Variants in EYA4 observed in about 807,000 individuals in gnomAD.
The protein encoded by EYA4 is protein phosphatase EYA4.
Under a neutral mutation model 87.9 loss-of-function variants are expected in EYA4, and 31 were observed. That is an observed-to-expected ratio of 0.35 (90% CI 0.27 to 0.48). EYA4 has a LOEUF of 0.48. Ranked by LOEUF, EYA4 falls within the 20% of genes least tolerant of loss-of-function variation. The probability of loss-of-function intolerance (pLI) is 0.99; values close to 1 mark genes in which losing one functional copy is unlikely to be tolerated. For missense variants in EYA4, 678 were observed against 761.4 expected (o/e 0.89, Z 1.29); for synonymous variants, 263 against 270.6 (o/e 0.97, Z 0.28).
At chr6:133,354,654 A>G (rs1783881759) in intron 2 of EYA4, among the ~76,000 whole-genome samples, 1 of 152,188 alleles carries the variant, frequency 6.6e-6, no homozygotes, top group Non-Finnish European at 1.5e-5. Flanking sequence ...CTTTTTCTGT[A>G]AAACCTTTTA....
intron 3 of EYA4, among the ~76,000 whole-genome samples, chr6:133,393,314 A>G (rs1199053864): frequency 6.6e-6 from 1 of 152,182 alleles, no homozygotes; most frequent in Non-Finnish European, 1.5e-5. Flanking sequence ...TTTATTGAGC[A>G]TCTACTATGG....
chr6:133,378,647 A>G (rs1365060399), intron 2 of EYA4, among the ~76,000 whole-genome samples: 1 of 152,108 alleles, frequency 6.6e-6, no homozygotes, highest in African/African-American at 2.4e-5. Flanking sequence ...AGAAAATTGT[A>G]TATATCTAAG....
intron 1 of EYA4, among the ~76,000 whole-genome samples, chr6:133,267,678 TG>T (rs1054902357): frequency 2.6e-5 from 4 of 152,184 alleles, no homozygotes; most frequent in Admixed American, 1.3e-4. Context: ...CCACCACGCC[TG>T]GCCCCTCATC....
intron 13 of EYA4, among the ~76,000 whole-genome samples, chr6:133,504,914 C>G (rs1415286214): frequency 6.6e-6 from 1 of 152,202 alleles, no homozygotes; most frequent in Non-Finnish European, 1.5e-5. Flanking sequence ...TTTCGGCTCT[C>G]TCTTCTCAAA....
intron 6 of EYA4, among the ~76,000 whole-genome samples, chr6:133,459,380 T>C: frequency 6.6e-6 from 1 of 152,106 alleles, no homozygotes; most frequent in Non-Finnish European, 1.5e-5. Flanking sequence ...TTCTGAAATG[T>C]GTAATTTTGG....
At chr6:133,381,082 T>C (rs1305432174) in intron 2 of EYA4, among the ~76,000 whole-genome samples, 1 of 146,190 alleles carries the variant, frequency 6.8e-6, no homozygotes, top group African/African-American at 2.5e-5. Flanking sequence ...TTTCTTTTTT[T>C]TTTTTTTTTT....
intron 13 of EYA4, among the ~76,000 whole-genome samples, chr6:133,485,138 C>T (rs1489507937): frequency 1.3e-5 from 2 of 152,196 alleles, no homozygotes; most frequent in Non-Finnish European, 2.9e-5. Context: ...CTCAGCACTG[C>T]TGCGTCATGG....
chr6:133,480,647 C>CATTG (rs1365801028), intron 11 of EYA4, among the ~76,000 whole-genome samples: 2 of 152,088 alleles, frequency 1.3e-5, no homozygotes, highest in African/African-American at 4.8e-5. Flanking sequence ...TCAATTAACA[C>CATTG]ATTGATTACA....
In EYA4 at chr6:133,461,191, A is replaced by G; in HGVS notation, c.437+11A>G. The G allele has an allele frequency of 6.2e-7, 1 of 1,602,516 alleles. No individual in the cohort carries two copies. Among genetic ancestry groups the G allele is most frequent in the Non-Finnish European group, 8.6e-7 (1 of 1,169,536 alleles). On this transcript the variant is annotated intron_variant, in intron 7 of 19. Transcript: ENST00000355286. ...GCTGTATCCTTCCAAGTAAGTGGTC[A>G]GTAGATTCTTGCTTTAAATTGGCAA...
At chr6:133,515,611 G>T (rs1384504850) in intron 17 of EYA4, among the ~76,000 whole-genome samples, 176 bp downstream of exon 17, 1 of 123,072 alleles carries the variant, frequency 8.1e-6, no homozygotes, top group African/African-American at 3.8e-5. Context: ...GAGAGAGAGA[G>T]TGTGTGTGTG....
At chr6:133,504,891 G>A (rs1377999448) in intron 13 of EYA4, among the ~76,000 whole-genome samples, 2 of 152,154 alleles carry the variant, frequency 1.3e-5, no homozygotes, top group Non-Finnish European at 2.9e-5. Context: ...CTATTAGAAC[G>A]TTGAAAACAC....
rs183545760 is a variant in EYA4 at position 133,295,318 on chromosome 6, C to T, written c.33+20505C>T. On this transcript the variant is annotated intron_variant, in intron 2 of 19. Transcript: ENST00000355286. ...ACTCTAAGCTGACCTAGAAAAACTA[C>T]ATTTGAAGCTGTATTCAAAGAATTT... is the stretch of plus-strand genomic sequence containing the variant. Among the ~76,000 whole-genome samples the T allele has an allele frequency of 5.9e-5, 9 of 152,308 alleles. No homozygotes were observed. The East Asian group carries it at 1.7e-3, about 29-fold the overall frequency.
At chr6:133,507,543 A>G (rs909439853) in intron 14 of EYA4, among the ~76,000 whole-genome samples, 5 of 152,044 alleles carry the variant, frequency 3.3e-5, no homozygotes, top group African/African-American at 1.2e-4. Context: ...ACCCCATCAC[A>G]GGCCCCAGTG....
At chr6:133,378,755 T>G (rs912022300) in intron 2 of EYA4, among the ~76,000 whole-genome samples, 1 of 152,170 alleles carries the variant, frequency 6.6e-6, no homozygotes, top group Non-Finnish European at 1.5e-5. Context: ...TATGTTTTCA[T>G]TGAATACTAA....
intron 13 of EYA4, among the ~76,000 whole-genome samples, chr6:133,488,204 G>A (rs1165134620): frequency 1.3e-5 from 2 of 152,150 alleles, no homozygotes; most frequent in East Asian, 1.9e-4. Flanking sequence ...TGGCTTGGGT[G>A]CTAGCTCAAC....
chr6:133,318,632 T>TTA lies in EYA4; in HGVS notation c.33+43820_33+43821dup, dbSNP rs372064277. 8.1e-4 allele frequency among the ~76,000 whole-genome samples: 121 copies of TTA among 148,808 alleles called. 2 individuals are homozygous for TTA. Among genetic ancestry groups the TTA allele is most frequent in the Admixed American group, 8.0e-4 (12 of 15,008 alleles). On this transcript the variant is annotated intron_variant, in intron 2 of 19. Transcript: ENST00000355286. Reference sequence around the variant, plus strand: ...TTTTAAGCCATTCTTTTTTTTTTTTTTAATCATCCAGAGTCTCCTGAGCTA... The same window carrying TTA: ...TTTTAAGCCATTCTTTTTTTTTTTTTTATAATCATCCAGAGTCTCCTGAGCTA...
chr6:133,508,215 T>C (rs908187273), intron 14 of EYA4, among the ~76,000 whole-genome samples: 1 of 152,154 alleles, frequency 6.6e-6, no homozygotes, highest in Non-Finnish European at 1.5e-5. Flanking sequence ...GGCATTCTTT[T>C]TTTTCTACAG....
At chr6:133,516,229 C>A (rs112828040) in intron 17 of EYA4, among the ~76,000 whole-genome samples, 5,951 of 151,950 alleles carry the variant, frequency 0.039, 415 homozygotes, top group African/African-American at 0.13. Context: ...ACACTGGGGC[C>A]TACTTGAGGG....
At chr6:133,402,519 T>C (rs911984329) in intron 3 of EYA4, among the ~76,000 whole-genome samples, 2 of 152,204 alleles carry the variant, frequency 1.3e-5, no homozygotes, top group African/African-American at 2.4e-5. Context: ...TCTAGCTATA[T>C]ATCTGGAGGC....
Sources: allele counts gnomAD v4.1 joint callset (sites outside exome capture counted in the v4.1 genomes callset), GRCh38; gene constraint gnomAD v4.1.1; transcripts MANE v1.5; gene names NCBI Gene and HGNC (gene_info 2026-07-23, HGNC 2026-07-21).